Variants in NCOR2 observed in about 807,000 individuals in gnomAD.
The protein encoded by NCOR2 is CTG repeat protein 26.
Under a neutral mutation model 262.9 loss-of-function variants are expected in NCOR2, and 81 were observed. The ratio of observed to expected loss-of-function variants is 0.31; its 90% CI spans 0.26 to 0.37. NCOR2 has a LOEUF of 0.37. NCOR2 is among the 10% of genes least tolerant of loss of function. The pLI, the probability that NCOR2 is intolerant of heterozygous loss-of-function variation, is 1.00. For synonymous variants in NCOR2, 1,659 were observed against 1,559.3 expected (o/e 1.06, Z -1.51); for missense variants, 3,385 against 3,621.4 (o/e 0.93, Z 1.68).
chr12:124,480,182 C>G (rs1037891720), intron 3 of NCOR2, among the ~76,000 whole-genome samples: 10 of 152,216 alleles, frequency 6.6e-5, no homozygotes, highest in Non-Finnish European at 1.5e-5. Flanking sequence ...CCGGGGCTGT[C>G]TCCCAGTCCC....
At position 124,428,090 on chromosome 12, in the gene NCOR2, C is replaced by CGTGTGT. The variant is rs1412280487; in HGVS notation, c.1150-1291_1150-1290insACACAC. ...GTGTGTGTGTGTGTGTGTGTGTGTA[C>CGTGTGT]ATGCAACAATCAGCCCAGGTGCCAC... On this transcript the variant is annotated intron_variant, in intron 10 of 46. Transcript: ENST00000405201. 1.6e-3 allele frequency among the ~76,000 whole-genome samples: 219 copies of CGTGTGT among 138,174 alleles called. 1 individual carries two copies. The highest frequency in any genetic ancestry group is 6.0e-3 in the African/African-American group (201 of 33,700). 90.6% of individuals were successfully genotyped at this position (138,174 alleles called of 152,430 possible).
At position 124,495,149 on chromosome 12, in the gene NCOR2, T is replaced by C; in HGVS notation, c.103A>G (p.Thr35Ala). 6.2e-7 allele frequency: 1 copy of C among 1,613,798 alleles called. No individual in the cohort carries two copies. Among genetic ancestry groups the C allele is most frequent in the Non-Finnish European group, 8.5e-7 (1 of 1,179,918 alleles). The change falls in exon 1 of 47, where the codon ACG becomes GCG. Residue 35 changes from threonine to alanine, a missense_variant and splice_region_variant. Physicochemically the swap from Thr to Ala is moderately conservative, Grantham distance 58. Around this residue, in one of 5 missense-constraint regions of NCOR2, gnomAD observed 237 missense variants for 229.4 expected, o/e 1.03. Coordinates refer to ENST00000405201, the Ensembl canonical transcript of NCOR2. This position sits in a 1 kb window ranked among gnomAD's most constrained non-coding sequence, Gnocchi z 4.4. ...CGCACACATGTGCACCCCCTTACCG[T>C]GTGCGTCCGGGCGATCTGCACTGGG...
At chr12:124,496,455 A>G (rs2048386221), upstream of NCOR2, among the ~76,000 whole-genome samples, 1 of 152,122 alleles carries the variant, frequency 6.6e-6, no homozygotes, top group South Asian at 2.1e-4. The surrounding 1 kb of genome is among the most constrained non-coding windows in gnomAD (Gnocchi z 4.4). Flanking sequence ...GCACCCTGGC[A>G]CCGGGACCCA....
intron 17 of NCOR2, among the ~76,000 whole-genome samples, chr12:124,384,140 A>G (rs2040618970): frequency 6.6e-6 from 1 of 152,162 alleles, no homozygotes; most frequent in South Asian, 2.1e-4. Flanking sequence ...CCCTGCCCCC[A>G]AGTCATCCTG....
At chr12:124,437,285 TCTC>T (rs1182070063) in intron 8 of NCOR2, among the ~76,000 whole-genome samples, 4 of 152,044 alleles carry the variant, frequency 2.6e-5, no homozygotes, top group Non-Finnish European at 5.9e-5. Context: ...TCAACCCTGA[TCTC>T]CTCCGGGGAA....
At chr12:124,516,051 T>G (rs1412517234) in intron 1 of NCOR2, among the ~76,000 whole-genome samples, 1 of 152,086 alleles carries the variant, frequency 6.6e-6, no homozygotes, top group South Asian at 2.1e-4. Context: ...CAAGGGGACA[T>G]GGATGAGAAC....
chr12:124,334,448 G>T lies in NCOR2; in HGVS notation c.6581C>A (p.Ser2194Tyr), dbSNP rs377045126. 2.0e-6 allele frequency: 3 copies of T among 1,501,678 alleles called. No homozygotes were observed. The highest frequency in any genetic ancestry group is 2.7e-6 in the Non-Finnish European group (3 of 1,128,322). The allele number at this position is 1,501,678 out of a possible 1,614,324, so 93.0% of individuals were successfully genotyped here. A position where few individuals can be genotyped will look rare whatever the true frequency, so the allele number is the denominator to read the frequency against. ...CCTCTTGCCCCCTTCGCTGTGGGGGGAGCCACGGGCCGGGGCACCATGGTC... is the reference window on the plus strand; with the variant it reads ...CCTCTTGCCCCCTTCGCTGTGGGGGTAGCCACGGGCCGGGGCACCATGGTC... The change falls in exon 41 of 47, where the codon TCC becomes TAC. Residue 2194 changes from serine to tyrosine, a missense_variant. This residue lies in a region of NCOR2 where 1,017 missense variants were observed against 967.2 expected (regional missense o/e 1.05). Coordinates refer to ENST00000405201, the Ensembl canonical transcript of NCOR2.
At chr12:124,370,465 C>T (rs1840996925) in intron 20 of NCOR2, among the ~76,000 whole-genome samples, 1 of 152,198 alleles carries the variant, frequency 6.6e-6, no homozygotes, top group African/African-American at 2.4e-5. Flanking sequence ...CCCTGCGGGT[C>T]TGATTTTCCT....
At chr12:124,384,042 G>A (rs142372718) in intron 17 of NCOR2, among the ~76,000 whole-genome samples, 1 of 151,868 alleles carries the variant, frequency 6.6e-6, no homozygotes, top group Non-Finnish European at 1.5e-5. Context: ...AGAGAGGGGA[G>A]GCGGGGGGAG....
chr12:124,509,236 G>GGGT (rs1566010630), intron 1 of NCOR2, among the ~76,000 whole-genome samples: 2 of 24,360 alleles, frequency 8.2e-5, no homozygotes, highest in Non-Finnish European at 1.8e-4. Flanking sequence ...TGGCTTTGGT[G>GGGT]GGGGGGGGGG....
chr12:124,515,676 AGT>A (rs2049710764), intron 1 of NCOR2, among the ~76,000 whole-genome samples: 1 of 151,272 alleles, frequency 6.6e-6, no homozygotes, highest in Admixed American at 6.6e-5. Context: ...TGTGAGTGTG[AGT>A]GTGCGAGTAT....
At chr12:124,364,315 G>A (rs1019123269) in intron 20 of NCOR2, among the ~76,000 whole-genome samples, 2 of 152,190 alleles carry the variant, frequency 1.3e-5, no homozygotes, top group Non-Finnish European at 2.9e-5. Context: ...TGAGAGGCTC[G>A]GGTGCCAGGG....
rs751150139 is a variant in NCOR2 at position 124,336,874 on chromosome 12, G to T, written c.5994C>A (p.Asn1998Lys). 1.9e-5 allele frequency: 31 copies of T among 1,610,658 alleles called. No individual in the cohort carries two copies. In the African/African-American group the frequency reaches 3.7e-4, roughly 19 times the overall value. Reference sequence around the variant, plus strand: ...CCGGGCTGGCGTGGTGAGGTGCGAGGTTCTTCGCAGGGGTGCGGGCGATGG... The same window carrying T: ...CCGGGCTGGCGTGGTGAGGTGCGAGTTTCTTCGCAGGGGTGCGGGCGATGG... Residue 1998 changes from asparagine (N) to lysine (K), a missense_variant, in exon 38 of 47, where the codon AAC (asparagine) becomes AAA (lysine). Transcript: ENST00000405201.
rs545398827 is a variant in NCOR2, at chr12:124,531,158, C to T, written c.-118+4407G>A. Reference sequence around the variant, plus strand: ...ATGAGAGGTCATTTCAGGAGAAGGACGTCTGGGAGGCATCCACCAACTCAT... The same window carrying T: ...ATGAGAGGTCATTTCAGGAGAAGGATGTCTGGGAGGCATCCACCAACTCAT... On this transcript the variant is annotated intron_variant, in intron 1 of 46. Transcript: ENST00000404621. This position sits in a 1 kb window ranked among gnomAD's most constrained non-coding sequence, Gnocchi z 4.5. Among the ~76,000 whole-genome samples, 2 of 152,268 alleles carry T rather than the reference C, an allele frequency of 1.3e-5. No individual in the cohort carries two copies. Among genetic ancestry groups the T allele is most frequent in the African/African-American group, 4.8e-5 (2 of 41,532 alleles).
chr12:124,495,151 T>C lies in NCOR2; in HGVS notation c.101A>G (p.His34Arg). 4 of 1,613,786 alleles carry C rather than the reference T, an allele frequency of 2.5e-6. No individual in the cohort carries two copies. Among genetic ancestry groups the C allele is most frequent in the East Asian group, 2.2e-5 (1 of 44,870 alleles). ...CACACATGTGCACCCCCTTACCGTG[T>C]GCGTCCGGGCGATCTGCACTGGGTA... Residue 34 changes from histidine to arginine, a missense_variant, in exon 1 of 47, where the codon CAC (histidine) becomes CGC (arginine). This residue lies in a region of NCOR2 where 237 missense variants were observed against 229.4 expected (regional missense o/e 1.03). Coordinates refer to ENST00000405201, the Ensembl canonical transcript of NCOR2. The surrounding 1 kb of genome is among the most constrained non-coding windows in gnomAD (Gnocchi z 4.4).
intron 16 of NCOR2, among the ~76,000 whole-genome samples, chr12:124,395,128 C>A (rs1315288238): frequency 6.6e-6 from 1 of 152,196 alleles, no homozygotes; most frequent in African/African-American, 2.4e-5. Flanking sequence ...AGTGCCCCTG[C>A]CACACAGAGA....
chr12:124,471,729 C>T (rs1246208095), intron 4 of NCOR2, among the ~76,000 whole-genome samples: 2 of 152,206 alleles, frequency 1.3e-5, no homozygotes, highest in Non-Finnish European at 2.9e-5. Flanking sequence ...CCACACCTGG[C>T]TAATGTTTTA....
Position 124,378,283 on chromosome 12 carries a change from C to T in NCOR2, c.2121G>A (p.Ala707=), listed in dbSNP as rs773430474. The stretch of plus-strand genomic sequence containing the variant: ...CCTCCTCATTTCCGCTCACGCCCGA[C>T]GCCTCCATCTCCTCATCCTCCACCA... The change falls in exon 18 of 47, where the codon GCG becomes GCA. Residue 707 remains alanine (A), a synonymous_variant. Coordinates refer to ENST00000405201, the Ensembl canonical transcript of NCOR2. The surrounding 1 kb of genome is among the most constrained non-coding windows in gnomAD (Gnocchi z 4.2). 1.3e-5 allele frequency: 21 copies of T among 1,613,910 alleles called. No homozygotes were observed. The highest frequency in any genetic ancestry group is 4.0e-5 in the African/African-American group (3 of 74,928).
At chr12:124,437,106 T>C (rs2044376324) in intron 8 of NCOR2, among the ~76,000 whole-genome samples, 1 of 151,554 alleles carries the variant, frequency 6.6e-6, no homozygotes, top group Non-Finnish European at 1.5e-5. Flanking sequence ...AATAAATAAA[T>C]AAACAAATAA....
Sources: allele counts gnomAD v4.1 joint callset (sites outside exome capture counted in the v4.1 genomes callset), GRCh38; gene constraint gnomAD v4.1.1; regional missense constraint gnomAD v4.1.1; non-coding constraint Gnocchi (gnomAD v3.1); transcripts MANE v1.5; gene names NCBI Gene and HGNC (gene_info 2026-07-23, HGNC 2026-07-21).